E2F3: variants seen among roughly 807,000 people sequenced by gnomAD.
E2F3 encodes the protein E2F transcription factor 3, also known as transcription factor E2F3.
Under a neutral mutation model 44.4 loss-of-function variants are expected in E2F3, and 11 were observed. The ratio of observed to expected loss-of-function variants is 0.25; its 90% CI spans 0.16 to 0.41. The LOEUF (loss-of-function observed/expected upper bound fraction) is 0.41, where lower values mean the gene tolerates loss of function less well. E2F3 is among the 10% of genes least tolerant of loss of function. E2F3 has a pLI of 1.00. For missense variants in E2F3, 487 were observed against 583.6 expected, an observed-to-expected ratio of 0.83 and a Z score of 1.70; for synonymous variants, 249 against 253.0, an observed-to-expected ratio of 0.98 and a Z score of 0.15.
rs1762509672 is a variant in E2F3 at position 20,490,035 on chromosome 6, CA to C, written c.1136-132del. ...TGTTAGCATAAAAGGTGATCTGCAT[CA>C]TAAAGTCGTCTCATTGTCATTATTT... is the stretch of plus-strand genomic sequence containing the variant. On this transcript the variant is annotated intron_variant, in intron 6 of 6. Transcript: ENST00000346618. The surrounding 1 kb of genome is among the most constrained non-coding windows in gnomAD (Gnocchi z 4.3). 1.0e-6 allele frequency: 1 copy of C among 995,314 alleles called. No homozygotes were observed. The highest frequency in any genetic ancestry group is 1.7e-5 in the African/African-American group (1 of 60,468). The allele number at this position is 995,314 out of a possible 1,614,324, so 61.7% of individuals were successfully genotyped here.
At chr6:20,432,181 T>G (rs1215873528) in intron 1 of E2F3, among the ~76,000 whole-genome samples, 1 of 152,222 alleles carries the variant, frequency 6.6e-6, no homozygotes, top group Non-Finnish European at 1.5e-5. Flanking sequence ...AAAATCTGAT[T>G]TAGAATACAA....
In E2F3 at chr6:20,492,712, T is replaced by C. The variant is rs1762587067; in HGVS notation, c.*2282T>C. 1 of 231,240 alleles carries C rather than the reference T, an allele frequency of 4.3e-6. No homozygotes were observed. The highest frequency in any genetic ancestry group is 8.6e-6 in the Non-Finnish European group (1 of 116,620). 14.3% of individuals were successfully genotyped at this position (231,240 alleles called of 1,614,324 possible). ...ATTGTTTTTAAAATGAAAGGAATAC[T>C]AATAAGTCTTAAAAGTTCCTTCATG... is the stretch of plus-strand genomic sequence containing the variant. On this transcript the variant is annotated 3_prime_UTR_variant, in exon 7 of 7. Transcript: ENST00000346618.
intron 1 of E2F3, among the ~76,000 whole-genome samples, chr6:20,477,592 G>GCT (rs1030865371): frequency 3.9e-5 from 6 of 152,072 alleles, no homozygotes; most frequent in African/African-American, 1.4e-4. Flanking sequence ...CTGTTAGATT[G>GCT]CTCAGCCCCA....
intron 1 of E2F3, among the ~76,000 whole-genome samples, chr6:20,414,812 G>C (rs933270759): frequency 6.6e-6 from 1 of 152,140 alleles, no homozygotes; most frequent in African/African-American, 2.4e-5. Flanking sequence ...AAATGCATGC[G>C]TGACACAGTA....
At chr6:20,429,287 C>T (rs945921354) in intron 1 of E2F3, among the ~76,000 whole-genome samples, 6 of 152,148 alleles carry the variant, frequency 3.9e-5, no homozygotes, top group Non-Finnish European at 8.8e-5. Flanking sequence ...TGTTGCTTTT[C>T]GTGCTTTCAG....
At position 20,491,280 on chromosome 6, in the gene E2F3, C is replaced by T; in HGVS notation, c.*850C>T. On this transcript the variant is annotated 3_prime_UTR_variant, in exon 7 of 7. Coordinates refer to ENST00000346618, the MANE Select transcript of E2F3 (RefSeq NM_001949.5). Reference sequence around the variant, plus strand: ...GCCATTTAAGCATTCCTGTGGCACCCATCACCATTTCAATTTAATTGTTTA... The same window carrying T: ...GCCATTTAAGCATTCCTGTGGCACCTATCACCATTTCAATTTAATTGTTTA... The T allele has an allele frequency of 4.3e-6, 1 of 231,184 alleles. No homozygotes were observed. Among genetic ancestry groups the T allele is most frequent in the Admixed American group, 5.6e-5 (1 of 17,704 alleles). The allele number at this position is 231,184 out of a possible 1,614,324, so 14.3% of individuals were successfully genotyped here. A position where few individuals can be genotyped will look rare whatever the true frequency, so the allele number is the denominator to read the frequency against.
chr6:20,429,044 T>C (rs980795805), intron 1 of E2F3, among the ~76,000 whole-genome samples: 2 of 152,152 alleles, frequency 1.3e-5, no homozygotes, highest in Non-Finnish European at 2.9e-5. Context: ...GAGTGGGAGA[T>C]GCTATTGGCA....
At chr6:20,474,499 C>G (rs539370944) in intron 1 of E2F3, among the ~76,000 whole-genome samples, 2 of 152,242 alleles carry the variant, frequency 1.3e-5, no homozygotes, top group South Asian at 4.1e-4. Flanking sequence ...GGCTGTTTTA[C>G]TGGTAGGGGC....
At chr6:20,465,533 G>C (rs747554224) in intron 1 of E2F3, among the ~76,000 whole-genome samples, 13 of 152,220 alleles carry the variant, frequency 8.5e-5, no homozygotes, top group Non-Finnish European at 8.8e-5. Flanking sequence ...GTTCTTTAGT[G>C]GTGATTTGTG....
intron 1 of E2F3, among the ~76,000 whole-genome samples, chr6:20,471,041 A>C (rs1191278376): frequency 6.6e-6 from 1 of 152,250 alleles, no homozygotes. Context: ...AAAGCTAAAA[A>C]GAAGAAAGTA....
intron 1 of E2F3, among the ~76,000 whole-genome samples, chr6:20,411,307 C>A (rs1759662758): frequency 6.6e-6 from 1 of 152,176 alleles, no homozygotes; most frequent in Non-Finnish European, 1.5e-5. Flanking sequence ...AGACTCGGAG[C>A]CCCTGCCAGT....
intron 1 of E2F3, among the ~76,000 whole-genome samples, chr6:20,470,141 T>C (rs963629850): frequency 6.6e-6 from 1 of 152,202 alleles, no homozygotes; most frequent in Non-Finnish European, 1.5e-5. Flanking sequence ...CTTATCTGCA[T>C]AACACAGCTC....
intron 1 of E2F3, among the ~76,000 whole-genome samples, chr6:20,466,829 C>CG: frequency 6.6e-6 from 1 of 151,958 alleles, no homozygotes; most frequent in South Asian, 2.1e-4. Context: ...TTTCAGCTGC[C>CG]TGCCACCACG....
intron 1 of E2F3, among the ~76,000 whole-genome samples, chr6:20,426,869 T>C (rs932131606): frequency 6.6e-6 from 1 of 152,250 alleles, no homozygotes; most frequent in African/African-American, 2.4e-5. Flanking sequence ...ATCTGTCCAC[T>C]GTAACTGTAG....
intron 1 of E2F3, among the ~76,000 whole-genome samples, chr6:20,454,683 C>G (rs1000475084): frequency 2.6e-5 from 4 of 152,164 alleles, no homozygotes; most frequent in Non-Finnish European, 5.9e-5. Context: ...GTCTTACCCC[C>G]ACAAAAGCAT....
intron 1 of E2F3, among the ~76,000 whole-genome samples, chr6:20,468,548 T>C (rs1177363664): frequency 1.3e-5 from 2 of 152,192 alleles, no homozygotes; most frequent in Non-Finnish European, 2.9e-5. Flanking sequence ...CCCTGTCCTC[T>C]TGGGTTTTTT....
chr6:20,414,911 C>G (rs912656118), intron 1 of E2F3, among the ~76,000 whole-genome samples: 1 of 152,162 alleles, frequency 6.6e-6, no homozygotes, highest in East Asian at 1.9e-4. Context: ...TAAATTACAT[C>G]CATGAGCTGT....
In E2F3 at chr6:20,417,191, G is replaced by T. The variant is rs114523556; in HGVS notation, c.393+14566G>T. Reference sequence around the variant, plus strand: ...GAAAATGAAATGGTAGCTCTCCTTTGTATGTCTGGTAATTTGGGTATTTAA... The same window carrying T: ...GAAAATGAAATGGTAGCTCTCCTTTTTATGTCTGGTAATTTGGGTATTTAA... On this transcript the variant is annotated intron_variant, in intron 1 of 6. Transcript: ENST00000346618. Among the ~76,000 whole-genome samples the T allele has an allele frequency of 3.6e-3, 545 of 152,252 alleles. 3 individuals carry two copies. The highest frequency in any genetic ancestry group is 4.9e-3 in the Non-Finnish European group (333 of 68,024).
intron 5 of E2F3, 116 bp from the exon 6 acceptor site, chr6:20,487,997 G>A: frequency 6.9e-7 from 1 of 1,453,098 alleles, no homozygotes; most frequent in Non-Finnish European, 9.5e-7. Context: ...GACTAGTAGG[G>A]AAAAAGCAAG....
Sources: allele counts gnomAD v4.1 joint callset (sites outside exome capture counted in the v4.1 genomes callset), GRCh38; gene constraint gnomAD v4.1.1; non-coding constraint Gnocchi (gnomAD v3.1); transcripts MANE v1.5; gene names NCBI Gene and HGNC (gene_info 2026-07-23, HGNC 2026-07-21).